LRP1B: variants seen among roughly 807,000 people sequenced by gnomAD.
The protein encoded by LRP1B is LDL receptor related protein 1B.
In LRP1B, 217 loss-of-function variants were observed where a neutral mutation model predicts 556.6. The observed-to-expected ratio is 0.39, with a 90% CI of 0.35 to 0.44. The LOEUF (loss-of-function observed/expected upper bound fraction) is 0.44. Ranked by LOEUF, LRP1B falls within the 20% of genes least tolerant of loss-of-function variation. The probability of loss-of-function intolerance (pLI) is 1.00; values close to 1 mark genes in which losing one functional copy is unlikely to be tolerated. For missense variants in LRP1B, 5,053 were observed against 5,620.8 expected, an observed-to-expected ratio of 0.90 and a Z score of 3.23; for synonymous variants, 2,047 against 1,865.8, an observed-to-expected ratio of 1.10 and a Z score of -2.50.
At chr2:141,620,570 GTTATT>G (rs1688471747) in intron 2 of LRP1B, among the ~76,000 whole-genome samples, 1 of 151,972 alleles carries the variant, frequency 6.6e-6, no homozygotes, top group Admixed American at 6.5e-5. Flanking sequence ...ACTTTTTTCT[GTTATT>G]TTAGTGAGTC....
intron 2 of LRP1B, among the ~76,000 whole-genome samples, chr2:141,615,530 A>T (rs1250370875): frequency 6.6e-6 from 1 of 151,420 alleles, no homozygotes. Flanking sequence ...TTTATGCCTA[A>T]ATTTTCCAAA....
chr2:142,084,639 C>A (rs1460359311), intron 1 of LRP1B, among the ~76,000 whole-genome samples: 2 of 152,150 alleles, frequency 1.3e-5, no homozygotes. Flanking sequence ...GAACTCCTCA[C>A]TCCCCAAACC....
chr2:140,659,098 G>GTTTTTTTTTTTT (rs59651364), intron 41 of LRP1B, among the ~76,000 whole-genome samples: 1 of 61,096 alleles, frequency 1.6e-5, no homozygotes. Flanking sequence ...CTGTAAATCT[G>GTTTTTTTTTTTT]TTTTTTTTTT....
intron 41 of LRP1B, chr2:140,683,717 T>C: frequency 1.3e-6 from 1 of 750,724 alleles, no homozygotes; most frequent in Admixed American, 1.8e-5. Context: ...TTAGAGACAC[T>C]CTGTGCTCCC....
intron 18 of LRP1B, among the ~76,000 whole-genome samples, chr2:140,967,353 T>A (rs1413795556): frequency 6.7e-6 from 1 of 150,098 alleles, no homozygotes; most frequent in African/African-American, 2.5e-5. Context: ...CTGTTATTGG[T>A]GTATAAGAAT....
intron 84 of LRP1B, among the ~76,000 whole-genome samples, chr2:140,278,105 A>G (rs1682760627): frequency 6.6e-6 from 1 of 151,918 alleles, no homozygotes; most frequent in Non-Finnish European, 1.5e-5. Flanking sequence ...AAAAATTGAG[A>G]AAAATAGACA....
intron 2 of LRP1B, among the ~76,000 whole-genome samples, chr2:141,621,678 G>A (rs1193038439): frequency 6.6e-6 from 1 of 152,052 alleles, no homozygotes; most frequent in African/African-American, 2.4e-5. Flanking sequence ...ATTTATGCAG[G>A]AGGGGAGGCA....
intron 18 of LRP1B, among the ~76,000 whole-genome samples, chr2:140,981,110 G>C (rs1021224587): frequency 2.0e-5 from 3 of 151,522 alleles, no homozygotes; most frequent in Non-Finnish European, 4.4e-5. Context: ...AGCTGTAAAG[G>C]GGGTAGAGGA....
At chr2:140,625,524 A>G (rs1390106350) in intron 41 of LRP1B, among the ~76,000 whole-genome samples, 1 of 152,194 alleles carries the variant, frequency 6.6e-6, no homozygotes, top group Non-Finnish European at 1.5e-5. Flanking sequence ...AAACACTTAC[A>G]ACTCAACAAG....
At chr2:141,721,693 C>T (rs182766624) in intron 2 of LRP1B, among the ~76,000 whole-genome samples, 1 of 152,246 alleles carries the variant, frequency 6.6e-6, no homozygotes, top group East Asian at 1.9e-4. Context: ...AAACGATATA[C>T]TTGTTAAAAA....
At chr2:141,800,084 T>A (rs181834464) in intron 2 of LRP1B, among the ~76,000 whole-genome samples, 1 of 152,282 alleles carries the variant, frequency 6.6e-6, no homozygotes, top group Non-Finnish European at 1.5e-5. Flanking sequence ...ATTCCCAATA[T>A]CAACCACAGG....
intron 7 of LRP1B, among the ~76,000 whole-genome samples, chr2:141,163,134 C>A (rs1275614686): frequency 6.6e-6 from 1 of 152,062 alleles, no homozygotes; most frequent in Non-Finnish European, 1.5e-5. Flanking sequence ...TCCTTTGCTC[C>A]TCTTCATCCC....
intron 3 of LRP1B, among the ~76,000 whole-genome samples, chr2:141,440,705 G>C (rs1397106779): frequency 7.2e-5 from 11 of 152,214 alleles, no homozygotes; most frequent in Admixed American, 5.9e-4. Context: ...CTGGAGCATT[G>C]TGCTTTCCCA....
intron 83 of LRP1B, among the ~76,000 whole-genome samples, chr2:140,304,404 G>T (rs1466592687): frequency 6.6e-6 from 1 of 152,082 alleles, no homozygotes; most frequent in Non-Finnish European, 1.5e-5. Flanking sequence ...TTTCTCTGAT[G>T]GCCAGTGATG....
intron 2 of LRP1B, among the ~76,000 whole-genome samples, chr2:141,773,563 A>G (rs1558866472): frequency 6.6e-6 from 1 of 152,386 alleles, no homozygotes; most frequent in East Asian, 1.9e-4. Flanking sequence ...GAGAAAGGCT[A>G]GCACAAGCTG....
chr2:142,022,177 A>G (rs1703347842), intron 1 of LRP1B, among the ~76,000 whole-genome samples: 1 of 151,444 alleles, frequency 6.6e-6, no homozygotes, highest in Non-Finnish European at 1.5e-5. Flanking sequence ...TATCTGGCCA[A>G]TCCTAGACCA....
chr2:141,644,009 A>AGTGT (rs1157822442), intron 2 of LRP1B, among the ~76,000 whole-genome samples: 1 of 26,074 alleles, frequency 3.8e-5, no homozygotes, highest in African/African-American at 9.0e-5. Context: ...GAATGTGGAG[A>AGTGT]GTGTGTGTGT....
intron 2 of LRP1B, among the ~76,000 whole-genome samples, chr2:141,481,490 G>T (rs1253040563): frequency 6.6e-6 from 1 of 152,088 alleles, no homozygotes; most frequent in Non-Finnish European, 1.5e-5. Context: ...ACACACTTAG[G>T]TTTTAATCAG....
chr2:140,431,140 A>C (rs1318878369), intron 66 of LRP1B, among the ~76,000 whole-genome samples: 1 of 152,114 alleles, frequency 6.6e-6, no homozygotes, highest in African/African-American at 2.4e-5. Context: ...GCATTTTTTC[A>C]GGCTTTTAGT....
Sources: allele counts gnomAD v4.1 joint callset (sites outside exome capture counted in the v4.1 genomes callset), GRCh38; gene constraint gnomAD v4.1.1; transcripts MANE v1.5; gene names NCBI Gene and HGNC (gene_info 2026-07-23, HGNC 2026-07-21).